The following PPP6R2 variants were observed in gnomAD, a reference collection of about 807,000 sequenced individuals.
PPP6R2 encodes the protein protein phosphatase 6 regulatory subunit 2.
A neutral mutation model predicts 100.2 loss-of-function variants in PPP6R2; 62 were observed. The ratio of observed to expected loss-of-function variants is 0.62; its 90% confidence interval spans 0.50 to 0.76. The LOEUF (loss-of-function observed/expected upper bound fraction) is 0.76. Ranked by LOEUF, PPP6R2 falls within the 30% of genes least tolerant of loss-of-function variation. The pLI, the probability that PPP6R2 is intolerant of heterozygous loss-of-function variation, is 0.00. For missense variants in PPP6R2, 1,142 were observed against 1,276.3 expected (o/e 0.89, Z 1.60); for synonymous variants, 525 against 514.7 (o/e 1.02, Z -0.27).
At position 50,360,056 on chromosome 22, in the gene PPP6R2, C is replaced by CT. The variant is rs112866506; in HGVS notation, c.-147-11950dup. Among the ~76,000 whole-genome samples, 1,903 of 137,952 alleles carry CT rather than the reference C, an allele frequency of 0.014. 107 individuals are homozygous for CT. The East Asian group carries it at 0.22, about 16-fold the overall frequency. The allele number at this position is 137,952 out of a possible 152,430, so 90.5% of individuals were successfully genotyped here. On this transcript the variant is annotated intron_variant, in intron 1 of 23. Transcript: ENST00000612753. ...ACAGCTTTTTTTTTCCCTTTCAGCA[C>CT]TTTTTTTTTTTTTTGAGATGGACTC...
intron 1 of PPP6R2, among the ~76,000 whole-genome samples, chr22:50,366,104 C>G (rs1013873052): frequency 6.6e-6 from 1 of 152,066 alleles, no homozygotes; most frequent in African/African-American, 2.4e-5. Flanking sequence ...GGTTCAATTA[C>G]TTGGAAACAG....
At chr22:50,412,881 G>T (rs1332225310) in intron 4 of PPP6R2, among the ~76,000 whole-genome samples, 1 of 151,296 alleles carries the variant, frequency 6.6e-6, no homozygotes, top group Non-Finnish European at 1.5e-5. Flanking sequence ...CTGACCTCAG[G>T]TGATCCACCT....
chr22:50,399,183 C>T (rs1251813075), intron 3 of PPP6R2, among the ~76,000 whole-genome samples: 2 of 152,126 alleles, frequency 1.3e-5, no homozygotes, highest in African/African-American at 2.4e-5. Flanking sequence ...CATGACACAG[C>T]AAGACTGTCA....
At chr22:50,370,522 C>CAG (rs1483308654) in intron 1 of PPP6R2, among the ~76,000 whole-genome samples, 3 of 151,522 alleles carry the variant, frequency 2.0e-5, no homozygotes, top group Middle Eastern at 3.2e-3. Flanking sequence ...TGCCTGACCT[C>CAG]GTGATCCACC....
intron 2 of PPP6R2, among the ~76,000 whole-genome samples, chr22:50,383,958 C>T (rs1297734295): frequency 6.8e-6 from 1 of 148,024 alleles, no homozygotes; most frequent in Non-Finnish European, 1.5e-5. Flanking sequence ...ATCGCTTCAA[C>T]CCGGGAGATG....
intron 2 of PPP6R2, among the ~76,000 whole-genome samples, chr22:50,385,782 C>T (rs964290340): frequency 7.1e-6 from 1 of 141,488 alleles, no homozygotes; most frequent in African/African-American, 2.7e-5. Context: ...TCCCAAAGTG[C>T]TGGGATTACA....
intron 1 of PPP6R2, among the ~76,000 whole-genome samples, chr22:50,347,627 C>G (rs2044096626): frequency 6.6e-6 from 1 of 152,134 alleles, no homozygotes; most frequent in Admixed American, 6.6e-5. Context: ...CATTCCCTGA[C>G]CTGTCAGCAC....
intron 3 of PPP6R2, among the ~76,000 whole-genome samples, chr22:50,404,075 C>CA (rs2058456756): frequency 6.6e-6 from 1 of 150,874 alleles, no homozygotes; most frequent in Non-Finnish European, 1.5e-5. Flanking sequence ...CAGGCACTGT[C>CA]ACCTGCACAT....
chr22:50,423,361 G>A lies in PPP6R2; in HGVS notation c.973-101G>A, dbSNP rs2061584339. 6.8e-7 allele frequency: 1 copy of A among 1,477,626 alleles called. No individual in the cohort carries two copies. Among genetic ancestry groups the A allele is most frequent in the Non-Finnish European group, 9.2e-7 (1 of 1,081,500 alleles). The allele number at this position is 1,477,626 out of a possible 1,614,324, so 91.5% of individuals were successfully genotyped here. On this transcript the variant is annotated intron_variant, in intron 9 of 23. Coordinates refer to ENST00000612753, the MANE Select transcript of PPP6R2 (RefSeq NM_001242898.2). The surrounding 1 kb of genome is among the most constrained non-coding windows in gnomAD (Gnocchi z 4.8). ...CCCCACCACATACCTCGCTACCCCA[G>A]GCTGGGTCCCAGCCTAGAGTGATGG...
intron 2 of PPP6R2, among the ~76,000 whole-genome samples, chr22:50,380,572 G>A (rs2052666761): frequency 6.6e-6 from 1 of 150,988 alleles, no homozygotes; most frequent in Non-Finnish European, 1.5e-5. Context: ...CGTTGGCCGG[G>A]CTGATCTCGA....
intron 2 of PPP6R2, among the ~76,000 whole-genome samples, chr22:50,389,859 G>GT (rs1399839072): frequency 6.6e-6 from 1 of 152,150 alleles, no homozygotes; most frequent in East Asian, 1.9e-4. Context: ...AAAATGCTGG[G>GT]ATTACAGGCA....
chr22:50,435,885 G>A (rs1343630686), intron 13 of PPP6R2, among the ~76,000 whole-genome samples: 1 of 152,176 alleles, frequency 6.6e-6, no homozygotes, highest in African/African-American at 2.4e-5. Flanking sequence ...CATTCCATAC[G>A]ATCTCCAGAT....
At chr22:50,430,264 G>A (rs970117389) in intron 10 of PPP6R2, among the ~76,000 whole-genome samples, 1 of 152,268 alleles carries the variant, frequency 6.6e-6, no homozygotes, top group Non-Finnish European at 1.5e-5. Context: ...GCCCATGCTG[G>A]TTAAGTCTGG....
At chr22:50,424,441 G>A (rs1198098800) in intron 10 of PPP6R2, among the ~76,000 whole-genome samples, 1 of 100,164 alleles carries the variant, frequency 1.0e-5, no homozygotes. Context: ...AGGTCCGTCC[G>A]CGTGTGGAAC....
At chr22:50,390,020 C>T (rs1385237638) in intron 2 of PPP6R2, among the ~76,000 whole-genome samples, 2 of 141,656 alleles carry the variant, frequency 1.4e-5, no homozygotes, top group Admixed American at 7.5e-5. Context: ...GAGATGGAGT[C>T]TCTCACTGTC....
At chr22:50,405,452 G>A (rs8136377) in intron 3 of PPP6R2, among the ~76,000 whole-genome samples, 63 of 144,238 alleles carry the variant, frequency 4.4e-4, no homozygotes, top group African/African-American at 1.6e-3. Flanking sequence ...GTGAAGGCCT[G>A]GAGAGAGGTG....
At chr22:50,374,122 G>A (rs956025111) in intron 2 of PPP6R2, among the ~76,000 whole-genome samples, 7 of 152,180 alleles carry the variant, frequency 4.6e-5, no homozygotes, top group Admixed American at 1.3e-4. Context: ...GGGCCGAAGT[G>A]ATCCTCCTGC....
At chr22:50,411,228 T>G (rs1018981752) in intron 4 of PPP6R2, among the ~76,000 whole-genome samples, 3 of 151,752 alleles carry the variant, frequency 2.0e-5, no homozygotes, top group African/African-American at 7.3e-5. Flanking sequence ...CCGAGGTGAG[T>G]GGATCACTTG....
At chr22:50,419,862 A>T (rs2061071383) in intron 8 of PPP6R2, among the ~76,000 whole-genome samples, 1 of 152,232 alleles carries the variant, frequency 6.6e-6, no homozygotes, top group African/African-American at 2.4e-5. Flanking sequence ...TCCCATGCAG[A>T]CTGGCCCTCA....
Sources: allele counts gnomAD v4.1 joint callset (sites outside exome capture counted in the v4.1 genomes callset), GRCh38; gene constraint gnomAD v4.1.1; non-coding constraint Gnocchi (gnomAD v3.1); transcripts MANE v1.5; gene names NCBI Gene and HGNC (gene_info 2026-07-23, HGNC 2026-07-21).